GALNT5: variants seen among roughly 807,000 people sequenced by gnomAD.
GALNT5 encodes the protein polypeptide N-acetylgalactosaminyltransferase 5.
GALNT5 carries 72 observed loss-of-function variants against 85.4 expected under a neutral mutation model. The observed-to-expected ratio is 0.84, with a 90% confidence interval of 0.70 to 1.03. GALNT5 has a LOEUF of 1.03. GALNT5 is among the 50% of genes least tolerant of loss of function. The pLI is 0.00. For synonymous variants in GALNT5, 404 were observed against 397.0 expected, an observed-to-expected ratio of 1.02 and a Z score of -0.21; for missense variants, 1,137 against 1,135.5, an observed-to-expected ratio of 1.00 and a Z score of -0.02.
intron 1 of GALNT5, among the ~76,000 whole-genome samples, chr2:157,276,629 T>A (rs1446264909): frequency 1.3e-5 from 2 of 152,218 alleles, no homozygotes; most frequent in African/African-American, 4.8e-5. Context: ...TTTATAGTAT[T>A]CTCTGATGGT....
At position 157,311,314 on chromosome 2, in the gene GALNT5, A is replaced by T. The variant is rs752864174; in HGVS notation, c.2789A>T (p.Gln930Leu). The T allele has an allele frequency of 5.6e-6, 9 of 1,609,738 alleles. No homozygotes were observed. The highest frequency in any genetic ancestry group is 5.9e-6 in the Non-Finnish European group (7 of 1,178,020). ...VAACDPVKPY[Q>L]KWKFEKYYEA ...GCCTGTGACCCAGTGAAGCCATATC[A>T]AAAGTGGAAATTTGAAAAATATTAT... is the stretch of plus-strand genomic sequence containing the variant. Residue 930 changes from glutamine (Q) to leucine (L), a missense_variant, in exon 10 of 10, where the codon CAA becomes CTA. By Grantham distance (113) the Gln-to-Leu change is moderately radical. Coordinates refer to ENST00000259056, the MANE Select transcript of GALNT5 (RefSeq NM_014568.3).
chr2:157,258,934 T>C lies in GALNT5; in HGVS notation c.852T>C (p.Asn284=). Residue 284 remains asparagine, a synonymous_variant, in exon 1 of 10, where the codon AAT becomes AAC. Coordinates refer to ENST00000259056, the MANE Select transcript of GALNT5 (RefSeq NM_014568.3). ...TSLPFPKFTV[N]SNRLRKQSIN... ...TTCCTTTTCCTAAGTTCACTGTCAA[T>C]TCAAATCGCTTAAGGAAGCAATCTA... 1 of 1,538,406 alleles carries C rather than the reference T, an allele frequency of 6.5e-7. No homozygotes were observed.
chr2:157,268,227 C>A (rs1574012935), intron 1 of GALNT5, among the ~76,000 whole-genome samples: 1 of 152,288 alleles, frequency 6.6e-6, no homozygotes, highest in East Asian at 1.9e-4. Flanking sequence ...ATCATTCCCT[C>A]AATCTTATGA....
At chr2:157,281,167 G>A (rs1356704162) in intron 1 of GALNT5, among the ~76,000 whole-genome samples, 1 of 152,060 alleles carries the variant, frequency 6.6e-6, no homozygotes, top group African/African-American at 2.4e-5. Flanking sequence ...GGGTTCAAGC[G>A]ATTCTCCCTG....
intron 2 of GALNT5, among the ~76,000 whole-genome samples, chr2:157,285,147 T>A (rs1418268199): frequency 6.6e-6 from 1 of 152,234 alleles, no homozygotes; most frequent in Non-Finnish European, 1.5e-5. Flanking sequence ...ATGGAACAGC[T>A]TACCCTTGAG....
rs189352596 is a variant in GALNT5, at chr2:157,311,200, C to G, written c.2683-8C>G. ...TGTGGCTCATTCCCAGCTCTTCTTT[C>G]TCTCCAGGTGAATCACATTGTTTTT... On this transcript the variant is annotated splice_region_variant and splice_polypyrimidine_tract_variant and intron_variant, in intron 9 of 9. Coordinates refer to ENST00000259056, the MANE Select transcript of GALNT5 (RefSeq NM_014568.3). The G allele has an allele frequency of 6.2e-7, 1 of 1,603,878 alleles. No individual in the cohort carries two copies. The highest frequency in any genetic ancestry group is 1.7e-5 in the Admixed American group (1 of 59,032).
At chr2:157,287,148 A>T (rs1451208363) in intron 3 of GALNT5, among the ~76,000 whole-genome samples, 1 of 152,176 alleles carries the variant, frequency 6.6e-6, no homozygotes, top group Non-Finnish European at 1.5e-5. Context: ...GTTAGTTAAG[A>T]TGTTGACAGC....
intron 1 of GALNT5, among the ~76,000 whole-genome samples, chr2:157,267,146 T>C (rs1257572732): frequency 2.0e-5 from 3 of 151,940 alleles, no homozygotes; most frequent in African/African-American, 7.3e-5. Context: ...AGAACAAAAA[T>C]GTTTGAGCTG....
At chr2:157,277,918 G>A (rs777935806) in intron 1 of GALNT5, among the ~76,000 whole-genome samples, 1 of 152,148 alleles carries the variant, frequency 6.6e-6, no homozygotes, top group Non-Finnish European at 1.5e-5. Context: ...TCATAGCATC[G>A]ATGGTCTTTA....
chr2:157,300,800 G>C lies in GALNT5; in HGVS notation c.2240G>C (p.Arg747Pro). Reference sequence around the variant, plus strand: ...AAGACAGTGGAGCGGAACTTGGTGCGGGTTGCCGAGGTCTGGCTGGATGAG... The same window carrying C: ...AAGACAGTGGAGCGGAACTTGGTGCCGGTTGCCGAGGTCTGGCTGGATGAG... ...RMKTVERNLV[R>P]VAEVWLDEYK... Residue 747 changes from arginine to proline, a missense_variant, in exon 7 of 10, where the codon CGG (arginine) becomes CCG (proline). Arg to Pro is a moderately radical substitution (Grantham distance 103, BLOSUM62 -2). Coordinates refer to ENST00000259056, the MANE Select transcript of GALNT5 (RefSeq NM_014568.3). 1.9e-6 allele frequency: 3 copies of C among 1,614,062 alleles called. No individual in the cohort carries two copies. Among genetic ancestry groups the C allele is most frequent in the Non-Finnish European group, 2.5e-6 (3 of 1,180,006 alleles).
In GALNT5 at chr2:157,316,819, A is replaced by G. The variant is rs1269113736; in HGVS notation, c.*5471A>G. Among the ~76,000 whole-genome samples the G allele has an allele frequency of 6.6e-6, 1 of 152,154 alleles. No homozygotes were observed. Among genetic ancestry groups the G allele is most frequent in the African/African-American group, 2.4e-5 (1 of 41,448 alleles). On this transcript the variant is annotated 3_prime_UTR_variant, in exon 10 of 10. Transcript: ENST00000259056. ...TCTGTTTTCAACCTAATGGAACAAT[A>G]GTTATCATTTCAATTAGAGTCGCTT... is the stretch of plus-strand genomic sequence containing the variant.
chr2:157,295,648 T>C lies in GALNT5; in HGVS notation c.1742-15T>C. 6.2e-7 allele frequency: 1 copy of C among 1,607,406 alleles called. No individual in the cohort carries two copies. The highest frequency in any genetic ancestry group is 2.2e-5 in the East Asian group (1 of 44,790). ...TCGTATTTTCTAAGTTTTTTGTGTG[T>C]GTTTGGCCCTCTAGGTGATGTGTTG... On this transcript the variant is annotated splice_polypyrimidine_tract_variant and intron_variant, in intron 3 of 9. Transcript: ENST00000259056.
Position 157,286,301 on chromosome 2 carries a change from CAT to C in GALNT5, c.1741+169_1741+170del, listed in dbSNP as rs201304663. Among the ~76,000 whole-genome samples, 1,444 of 151,364 alleles carry C rather than the reference CAT, an allele frequency of 9.5e-3. 61 individuals carry two copies. The highest frequency in any genetic ancestry group is 0.082 in the Admixed American group (1,254 of 15,256). On this transcript the variant is annotated intron_variant, in intron 3 of 9. Coordinates refer to ENST00000259056, the MANE Select transcript of GALNT5 (RefSeq NM_014568.3). ...TAATATGTGCTTTATCATAAACACA[CAT>C]AGACACCTATTGTATATACTTTTTT... is the stretch of plus-strand genomic sequence containing the variant.
At chr2:157,272,022 G>T (rs1242388031) in intron 1 of GALNT5, among the ~76,000 whole-genome samples, 1 of 152,116 alleles carries the variant, frequency 6.6e-6, no homozygotes. Flanking sequence ...AACTAGGAGG[G>T]TGTAGTGTCT....
chr2:157,292,203 T>C (rs779094051), intron 3 of GALNT5, among the ~76,000 whole-genome samples: 3 of 152,298 alleles, frequency 2.0e-5, no homozygotes, highest in East Asian at 1.9e-4. Flanking sequence ...GGCTGTTGTA[T>C]GTAACTTTAA....
At chr2:157,271,620 G>A (rs190775629) in intron 1 of GALNT5, among the ~76,000 whole-genome samples, 215 of 152,264 alleles carry the variant, frequency 1.4e-3, no homozygotes, top group African/African-American at 4.9e-3. Flanking sequence ...AGAGGGTGAA[G>A]TCTAGATGAG....
In GALNT5 at chr2:157,299,628, A is replaced by T. The variant is rs746794841; in HGVS notation, c.2078A>T (p.Asp693Val). Residue 693 changes from aspartate to valine, a missense_variant, in exon 6 of 10, where the codon GAT becomes GTT. Physicochemically the swap from Asp to Val is radical, Grantham distance 152. Coordinates refer to ENST00000259056, the MANE Select transcript of GALNT5 (RefSeq NM_014568.3). ...CTTGGAACATACGACCCTGGCCTTG[A>T]TGTTTGGGGTGGGGAAAATATGGAG... The part of the protein sequence containing the change: ...FELGTYDPGL[D>V]VWGGENMELS... 2 of 1,611,440 alleles carry T rather than the reference A, an allele frequency of 1.2e-6. No homozygotes were observed. Among genetic ancestry groups the T allele is most frequent in the South Asian group, 2.2e-5 (2 of 90,910 alleles).
chr2:157,278,692 T>C (rs539627613), intron 1 of GALNT5, among the ~76,000 whole-genome samples: 2 of 152,282 alleles, frequency 1.3e-5, no homozygotes, highest in Admixed American at 6.5e-5. Flanking sequence ...CTCTACACTG[T>C]TTATTCTAGT....
Position 157,267,670 on chromosome 2 carries a change from T to C in GALNT5, c.1454+8134T>C, listed in dbSNP as rs1197418114. On this transcript the variant is annotated intron_variant, in intron 1 of 9. Coordinates refer to ENST00000259056, the MANE Select transcript of GALNT5 (RefSeq NM_014568.3). ...ACAGCTTCCTGCTCAAAACAGACTATTGTTGAAGTGGTGAATGTTTATGCT... is the reference window on the plus strand; with the variant it reads ...ACAGCTTCCTGCTCAAAACAGACTACTGTTGAAGTGGTGAATGTTTATGCT... Among the ~76,000 whole-genome samples, 3 of 152,192 alleles carry C rather than the reference T, an allele frequency of 2.0e-5. No individual in the cohort carries two copies. The East Asian group carries it at 5.8e-4, about 29-fold the overall frequency.
Sources: allele counts gnomAD v4.1 joint callset (sites outside exome capture counted in the v4.1 genomes callset), GRCh38; gene constraint gnomAD v4.1.1; transcripts MANE v1.5; gene names NCBI Gene and HGNC (gene_info 2026-07-23, HGNC 2026-07-21).